MYLK4: variants seen among roughly 807,000 people sequenced by gnomAD.
MYLK4 encodes myosin light chain kinase family member 4.
MYLK4 carries 46 observed loss-of-function variants against 48.1 expected under a neutral mutation model. The ratio of observed to expected loss-of-function variants is 0.96; its 90% CI spans 0.75 to 1.22. The LOEUF is 1.22. Among genes scored for constraint, MYLK4 ranks in the 50% most tolerant of loss-of-function variants. MYLK4 has a pLI of 0.00. For missense variants in MYLK4, 451 were observed against 486.1 expected, an observed-to-expected ratio of 0.93 and a Z score of 0.68; for synonymous variants, 170 against 180.8, an observed-to-expected ratio of 0.94 and a Z score of 0.48.
At position 2,671,381 on chromosome 6, in the gene MYLK4, A is replaced by C. The variant is rs763397094; in HGVS notation, c.1120-33T>G. The C allele has an allele frequency of 2.5e-6, 4 of 1,602,176 alleles. No homozygotes were observed. The African/African-American group carries it at 5.4e-5, about 21-fold the overall frequency. On this transcript the variant is annotated intron_variant, in intron 11 of 12. Transcript: ENST00000274643. ...AAGCAGAAGGCATATGGGAAGGATT[A>C]GGACTGTTTCCTTCAGGTCCTGACT...
the MYLK4 span, among the ~76,000 whole-genome samples, chr6:2,762,972 T>G: frequency 1.3e-5 from 2 of 151,952 alleles, no homozygotes; most frequent in Non-Finnish European, 2.9e-5. Context: ...ATGCAAAAAA[T>G]AAAAGAACAA....
chr6:2,696,447 A>G (rs1762063679), intron 2 of MYLK4, among the ~76,000 whole-genome samples: 1 of 152,230 alleles, frequency 6.6e-6, no homozygotes, highest in Non-Finnish European at 1.5e-5. Flanking sequence ...GAGAGTCCTC[A>G]TGAATGGGAT....
chr6:2,766,385 C>T, the MYLK4 span: 3 of 1,607,810 alleles, frequency 1.9e-6, no homozygotes, highest in South Asian at 1.1e-5. Context: ...GCTGCGCTCG[C>T]TCCTGGAGAC....
intron 2 of MYLK4, among the ~76,000 whole-genome samples, chr6:2,711,185 C>G (rs1762661974): frequency 6.6e-6 from 1 of 152,222 alleles, no homozygotes; most frequent in Non-Finnish European, 1.5e-5. Context: ...TAACACGTAT[C>G]AGTGCCACAG....
At chr6:2,679,633 C>A (rs948383870) in intron 8 of MYLK4, among the ~76,000 whole-genome samples, 5 of 152,152 alleles carry the variant, frequency 3.3e-5, no homozygotes, top group Non-Finnish European at 5.9e-5. Flanking sequence ...AAAAGCTGAA[C>A]CAGTTGTTGG....
chr6:2,722,093 G>A (rs1182878779), intron 2 of MYLK4, among the ~76,000 whole-genome samples: 1 of 152,206 alleles, frequency 6.6e-6, no homozygotes, highest in African/African-American at 2.4e-5. Flanking sequence ...TTGGAGAGTT[G>A]AAATCCTCAG....
intron 2 of MYLK4, among the ~76,000 whole-genome samples, chr6:2,723,256 G>A (rs1043836612): frequency 4.6e-5 from 7 of 152,184 alleles, no homozygotes; most frequent in Admixed American, 1.3e-4. Flanking sequence ...TCACGTCACC[G>A]CACTCCAGCC....
At chr6:2,723,644 G>A (rs1171176746) in intron 2 of MYLK4, among the ~76,000 whole-genome samples, 1 of 152,092 alleles carries the variant, frequency 6.6e-6, no homozygotes, top group African/African-American at 2.4e-5. Context: ...GTAAACTTAC[G>A]GTTTTGGCTT....
rs749930790 is a variant in MYLK4, at chr6:2,688,836, T to C, written c.341+15A>G. 1.9e-6 allele frequency: 3 copies of C among 1,601,854 alleles called. No individual in the cohort carries two copies. The highest frequency in any genetic ancestry group is 1.3e-5 in the African/African-American group (1 of 74,712). Reference sequence around the variant, plus strand: ...TTCTTTTGTTGAGAGAATATTAACATTCAGCCTTACTCACCCTCCTAGGAT... The same window carrying C: ...TTCTTTTGTTGAGAGAATATTAACACTCAGCCTTACTCACCCTCCTAGGAT... On this transcript the variant is annotated intron_variant, in intron 4 of 12. Transcript: ENST00000274643.
At chr6:2,681,852 T>C (rs1761317047) in intron 7 of MYLK4, among the ~76,000 whole-genome samples, 1 of 152,176 alleles carries the variant, frequency 6.6e-6, no homozygotes, top group Admixed American at 6.5e-5. Context: ...TTACAATAGG[T>C]TTGCTCCTAG....
rs538399022 is a variant in MYLK4 at position 2,691,455 on chromosome 6, G to A, written c.235+1329C>T. ...AACTTAGAGTAGTTCATTTTAATTGGCTATAATATTACCTGAATCTATAAG... is the reference window on the plus strand; with the variant it reads ...AACTTAGAGTAGTTCATTTTAATTGACTATAATATTACCTGAATCTATAAG... On this transcript the variant is annotated intron_variant, in intron 3 of 12. Transcript: ENST00000274643. Among the ~76,000 whole-genome samples, 8 of 152,234 alleles carry A rather than the reference G, an allele frequency of 5.3e-5. No individual in the cohort carries two copies. In the East Asian group the frequency reaches 7.7e-4, roughly 15 times the overall value.
At chr6:2,759,798 T>C in the MYLK4 span, among the ~76,000 whole-genome samples, 1 of 152,256 alleles carries the variant, frequency 6.6e-6, no homozygotes, top group African/African-American at 2.4e-5. Flanking sequence ...GTTAAGAAGA[T>C]AACTTTCTCT....
intron 12 of MYLK4, among the ~76,000 whole-genome samples, chr6:2,669,717 G>A (rs547297191): frequency 1.2e-4 from 19 of 152,322 alleles, no homozygotes; most frequent in Non-Finnish European, 2.1e-4. Flanking sequence ...CTGGGGGCAC[G>A]AGGGTCCTTT....
intron 2 of MYLK4, among the ~76,000 whole-genome samples, chr6:2,716,249 C>T (rs57084793): frequency 0.04 from 6,022 of 152,244 alleles, 249 homozygotes; most frequent in East Asian, 0.24. Flanking sequence ...TTTCAAGTAT[C>T]ATAGTTAACC....
At chr6:2,752,685 G>A (rs1347610081), upstream of MYLK4, among the ~76,000 whole-genome samples, 1 of 152,122 alleles carries the variant, frequency 6.6e-6, no homozygotes. Context: ...GGAGTTCCGG[G>A]GAGGGGTGTA....
chr6:2,704,504 C>T (rs1034137688), intron 2 of MYLK4, among the ~76,000 whole-genome samples: 1 of 152,186 alleles, frequency 6.6e-6, no homozygotes, highest in African/African-American at 2.4e-5. Context: ...CTTAGACCTA[C>T]TAAAAATCAG....
intron 1 of MYLK4, 124 bp from the exon 2 acceptor site, chr6:2,749,530 G>T: frequency 5.6e-6 from 2 of 354,628 alleles, no homozygotes; most frequent in East Asian, 8.7e-5. Flanking sequence ...CCAAAATCAG[G>T]AAAAGAAATA....
intron 2 of MYLK4, among the ~76,000 whole-genome samples, chr6:2,747,269 T>C (rs1764129891): frequency 6.6e-6 from 1 of 152,186 alleles, no homozygotes; most frequent in African/African-American, 2.4e-5. Flanking sequence ...TTCCAAATCA[T>C]CAACTTCTGG....
At chr6:2,766,346 C>T in the MYLK4 span, 1 of 1,610,458 alleles carries the variant, frequency 6.2e-7, no homozygotes, top group Admixed American at 1.7e-5. Context: ...TTACTTCGGG[C>T]AGAGCAAGGC....
Sources: gnomAD v4.1 joint callset for allele counts (sites outside exome capture counted in the v4.1 genomes callset) on GRCh38, gnomAD v4.1.1 for gene constraint, MANE v1.5 for transcripts, NCBI Gene and HGNC (gene_info 2026-07-23, HGNC 2026-07-21) for gene names.